DHX57: variants seen among roughly 807,000 people sequenced by gnomAD.
The protein encoded by DHX57 is putative ATP-dependent RNA helicase DHX57.
A neutral mutation model predicts 156.2 loss-of-function variants in DHX57; 105 were observed. The ratio of observed to expected loss-of-function variants is 0.67; its 90% CI spans 0.57 to 0.79. The LOEUF (loss-of-function observed/expected upper bound fraction) is 0.79, where lower values mean the gene tolerates loss of function less well. Among genes scored for constraint, DHX57 ranks in the 30% least tolerant of loss-of-function variants. The pLI, the probability that DHX57 is intolerant of heterozygous loss-of-function variation, is 0.00. For missense variants in DHX57, 1,847 were observed against 1,661.9 expected, an observed-to-expected ratio of 1.11 and a Z score of -1.94; for synonymous variants, 704 against 595.6, an observed-to-expected ratio of 1.18 and a Z score of -2.65.
In DHX57 at chr2:38,862,347, C is replaced by A; in HGVS notation, c.384-14G>T. On this transcript the variant is annotated splice_polypyrimidine_tract_variant and intron_variant, in intron 3 of 23. Transcript: ENST00000457308. ...GAAAGGCCTCTTCTAGCAAAGGCAACATTTTCATATATTAGATATTACTTT... is the reference window on the plus strand; with the variant it reads ...GAAAGGCCTCTTCTAGCAAAGGCAAAATTTTCATATATTAGATATTACTTT... 1.3e-6 allele frequency: 2 copies of A among 1,546,812 alleles called. No individual in the cohort carries two copies. Among genetic ancestry groups the A allele is most frequent in the Non-Finnish European group, 1.8e-6 (2 of 1,141,730 alleles).
chr2:38,806,308 G>T, intron 22 of DHX57: 1 of 420,240 alleles, frequency 2.4e-6, no homozygotes, highest in Non-Finnish European at 4.2e-6. Flanking sequence ...AATTACCATT[G>T]CAAAGAAACA....
intron 6 of DHX57, 24 bp from the exon 7 acceptor site, chr2:38,856,485 T>A (rs769112944): frequency 7.8e-6 from 12 of 1,547,022 alleles, no homozygotes; most frequent in Non-Finnish European, 1.0e-5. Flanking sequence ...AGATAAGATA[T>A]CAGTTGGGTT....
chr2:38,827,544 A>C (rs1408900486), intron 14 of DHX57, among the ~76,000 whole-genome samples: 8 of 140,568 alleles, frequency 5.7e-5, no homozygotes, highest in African/African-American at 1.8e-4. Context: ...ACACACATAC[A>C]TATATATACA....
At chr2:38,799,151 G>A (rs536214197) in intron 23 of DHX57, among the ~76,000 whole-genome samples, 2 of 151,954 alleles carry the variant, frequency 1.3e-5, no homozygotes, top group African/African-American at 4.8e-5. Context: ...ATCACCTGAG[G>A]TCAGGGGTTC....
intron 19 of DHX57, among the ~76,000 whole-genome samples, chr2:38,818,576 T>A (rs1670660445): frequency 6.6e-6 from 1 of 151,958 alleles, no homozygotes; most frequent in African/African-American, 2.4e-5. Flanking sequence ...GAATCCCTGG[T>A]GTAATTACTG....
chr2:38,829,959 C>T (rs1442180654), intron 13 of DHX57, among the ~76,000 whole-genome samples: 1 of 151,858 alleles, frequency 6.6e-6, no homozygotes, highest in South Asian at 2.1e-4. Flanking sequence ...AGCATGAAAA[C>T]TGATTATAGT....
In DHX57 at chr2:38,843,192, C is replaced by A. The variant is rs775399819; in HGVS notation, c.2238G>T (p.Gly746=). ...GTTTCATGGACCGCATATATGGGCT[C>A]CCATCCTGTAATACATACCTGAGAA... ...IAVTRYVLQD[G]SPYMRSMKQI... is the part of the protein sequence containing the mutation. The change falls in exon 12 of 24, where the codon GGG becomes GGT. Residue 746 remains glycine, a synonymous_variant. Coordinates refer to ENST00000457308, the MANE Select transcript of DHX57 (RefSeq NM_198963.3). 6.2e-7 allele frequency: 1 copy of A among 1,614,020 alleles called. No homozygotes were observed.
chr2:38,822,360 C>T (rs1311363124), intron 17 of DHX57, among the ~76,000 whole-genome samples: 3 of 151,850 alleles, frequency 2.0e-5, no homozygotes, highest in East Asian at 3.9e-4. Context: ...GGATTACAGG[C>T]GTGAGCCACC....
chr2:38,803,935 T>C (rs1373863566), intron 22 of DHX57, among the ~76,000 whole-genome samples: 1 of 151,960 alleles, frequency 6.6e-6, no homozygotes, highest in African/African-American at 2.4e-5. Context: ...GCTTGCACTA[T>C]CACACCTGGC....
chr2:38,841,930 G>A (rs1007930106), intron 12 of DHX57, among the ~76,000 whole-genome samples: 10 of 152,084 alleles, frequency 6.6e-5, no homozygotes, highest in Non-Finnish European at 1.3e-4. Context: ...AAAAGCCCAC[G>A]AATAATGCTA....
At chr2:38,798,504 G>T in intron 23 of DHX57, 62 bp from the exon 24 acceptor site, 3 of 1,501,638 alleles carry the variant, frequency 2.0e-6, no homozygotes, top group Non-Finnish European at 2.7e-6. Flanking sequence ...GTTATTGGAG[G>T]GAAATACCCA....
Position 38,843,136 on chromosome 2 carries a change from C to T in DHX57, c.2294G>A (p.Arg765Gln), listed in dbSNP as rs145593757. The T allele has an allele frequency of 8.0e-5, 129 of 1,614,106 alleles. No homozygotes were observed. The East Asian group carries it at 2.1e-3, about 26-fold the overall frequency. The stretch of plus-strand genomic sequence containing the variant: ...CACTTCTTCAAATGCAGTTCTGTTC[C>T]GCCTTGCTTTAAGCTTTTCCTTTGA... ...QISKEKLKAR[R>Q]NRTAFEEVEE... The change falls in exon 12 of 24, where the codon CGG (arginine) becomes CAG (glutamine). Residue 765 changes from arginine to glutamine, a missense_variant. Transcript: ENST00000457308.
intron 19 of DHX57, chr2:38,816,278 A>C: frequency 2.2e-6 from 1 of 457,328 alleles, no homozygotes; most frequent in South Asian, 1.6e-5. Flanking sequence ...GCAGTGGCGC[A>C]ATCTTGGCTT....
intron 11 of DHX57, among the ~76,000 whole-genome samples, chr2:38,846,131 G>T (rs1672273554): frequency 6.6e-6 from 1 of 152,136 alleles, no homozygotes; most frequent in Admixed American, 6.5e-5. Flanking sequence ...CTCCCAAAGT[G>T]CTGGGATTAC....
At chr2:38,852,245 C>T (rs1273882771) in intron 9 of DHX57, among the ~76,000 whole-genome samples, 7 of 149,992 alleles carry the variant, frequency 4.7e-5, no homozygotes, top group South Asian at 4.2e-4. Flanking sequence ...GGCGCAATCT[C>T]GGCTCACGGC....
intron 9 of DHX57, 90 bp from the exon 10 acceptor site, chr2:38,848,492 T>G: frequency 7.5e-7 from 1 of 1,341,394 alleles, no homozygotes. Context: ...AAGAAATGTG[T>G]AAGATCTCTG....
chr2:38,819,072 G>C lies in DHX57; in HGVS notation c.3364C>G (p.Leu1122Val), dbSNP rs777874243. 6.2e-7 allele frequency: 1 copy of C among 1,614,212 alleles called. No homozygotes were observed. The highest frequency in any genetic ancestry group is 2.2e-5 in the East Asian group (1 of 44,884). The change falls in exon 18 of 24, where the codon CTG becomes GTG. Residue 1122 changes from leucine to valine, a missense_variant. Transcript: ENST00000457308. ...ACCTTATACGCTTGTAGAAGGGCCA[G>C]ATAATCACTGTTTGCGAATGCAAAT... is the stretch of plus-strand genomic sequence containing the variant. Reference protein sequence around the residue: ...LEFAFANSDYLALLQAYKGWQ... With the variant: ...LEFAFANSDYVALLQAYKGWQ...
intron 21 of DHX57, chr2:38,811,331 G>C (rs1316330413): frequency 3.2e-5 from 17 of 526,532 alleles, no homozygotes; most frequent in Non-Finnish European, 5.3e-5. Flanking sequence ...GGCACTGTGG[G>C]ACACATACTT....
intron 22 of DHX57, among the ~76,000 whole-genome samples, chr2:38,804,157 A>G (rs60895887): frequency 0.019 from 2,914 of 152,206 alleles, 100 homozygotes; most frequent in African/African-American, 0.067. Context: ...TTGCATTTTT[A>G]TAGTGTCTTT....
Sources: gnomAD v4.1 joint callset for allele counts (sites outside exome capture counted in the v4.1 genomes callset) on GRCh38, gnomAD v4.1.1 for gene constraint, MANE v1.5 for transcripts, NCBI Gene and HGNC (gene_info 2026-07-23, HGNC 2026-07-21) for gene names.